The following SPIN1 variants were observed in gnomAD, a reference collection of about 807,000 sequenced individuals.
The protein encoded by SPIN1 is spindlin 1.
SPIN1 carries 3 observed loss-of-function variants against 26.0 expected under a neutral mutation model. That is an observed-to-expected ratio of 0.12 (90% CI 0.05 to 0.30). The LOEUF is 0.30. Among genes scored for constraint, SPIN1 ranks in the 10% least tolerant of loss-of-function variants. The pLI is 1.00. For synonymous variants in SPIN1, 101 were observed against 116.5 expected, an observed-to-expected ratio of 0.87 and a Z score of 0.86; for missense variants, 126 against 333.4, an observed-to-expected ratio of 0.38 and a Z score of 4.84.
At chr9:88,424,964 A>G (rs890951158) in intron 1 of SPIN1, among the ~76,000 whole-genome samples, 1 of 152,144 alleles carries the variant, frequency 6.6e-6, no homozygotes, top group African/African-American at 2.4e-5. Flanking sequence ...ACAAAAAGGG[A>G]TAGCTGTTAT....
chr9:88,393,215 A>G (rs1826970243), intron 1 of SPIN1, among the ~76,000 whole-genome samples: 1 of 151,458 alleles, frequency 6.6e-6, no homozygotes, highest in Non-Finnish European at 1.5e-5. Flanking sequence ...TGGTGAGAGA[A>G]TACATGAAAA....
chr9:88,432,498 T>TC (rs57699113), intron 2 of SPIN1, among the ~76,000 whole-genome samples: 1 of 150,900 alleles, frequency 6.6e-6, no homozygotes, highest in East Asian at 2.0e-4. Context: ...TTTTTTTTTT[T>TC]CTTTGAGACA....
intron 2 of SPIN1, among the ~76,000 whole-genome samples, chr9:88,443,144 A>AT (rs1828175088): frequency 6.6e-6 from 1 of 151,344 alleles, no homozygotes; most frequent in Non-Finnish European, 1.5e-5. Flanking sequence ...ACAAAAAAAA[A>AT]CTCAGTCTTT....
chr9:88,433,133 A>AC (rs949743064), intron 2 of SPIN1, among the ~76,000 whole-genome samples: 12 of 151,260 alleles, frequency 7.9e-5, no homozygotes, highest in Non-Finnish European at 1.3e-4. Flanking sequence ...AGTCTGGAGC[A>AC]CAGTAGCATG....
At chr9:88,403,501 G>T (rs1010731192) in intron 1 of SPIN1, among the ~76,000 whole-genome samples, 1 of 152,096 alleles carries the variant, frequency 6.6e-6, no homozygotes, top group African/African-American at 2.4e-5. Flanking sequence ...CTTGAGTCTA[G>T]AGTTTGAGAC....
chr9:88,418,949 C>T (rs1348530840), intron 1 of SPIN1: 1 of 152,048 alleles, frequency 6.6e-6, no homozygotes, highest in Non-Finnish European at 1.5e-5. Context: ...AGTCATTTTT[C>T]TGGTAAGTAG....
At chr9:88,441,918 C>A (rs1212834174) in intron 2 of SPIN1, among the ~76,000 whole-genome samples, 2 of 145,166 alleles carry the variant, frequency 1.4e-5, no homozygotes, top group South Asian at 2.1e-4. Context: ...AATGTTTTTC[C>A]TTTATATAGA....
chr9:88,435,574 A>G (rs778521024), intron 2 of SPIN1, among the ~76,000 whole-genome samples: 8 of 152,182 alleles, frequency 5.3e-5, no homozygotes, highest in Non-Finnish European at 7.3e-5. Context: ...TGGGTGAGAA[A>G]TGGTGTTTCT....
intron 3 of SPIN1, among the ~76,000 whole-genome samples, chr9:88,451,410 G>T (rs1054188724): frequency 6.6e-6 from 1 of 152,164 alleles, no homozygotes; most frequent in Non-Finnish European, 1.5e-5. Flanking sequence ...ATATAGCTGG[G>T]TTTGTGTTTT....
At chr9:88,391,198 T>G (rs1014383953) in intron 1 of SPIN1, among the ~76,000 whole-genome samples, 2 of 152,146 alleles carry the variant, frequency 1.3e-5, no homozygotes, top group Non-Finnish European at 2.9e-5. Context: ...TACATAGATC[T>G]CTGATAAATT....
chr9:88,438,430 T>C (rs1828052598), intron 2 of SPIN1, among the ~76,000 whole-genome samples: 1 of 152,206 alleles, frequency 6.6e-6, no homozygotes, highest in Non-Finnish European at 1.5e-5. Context: ...ATGATTTGTA[T>C]TCTTTTAAAT....
At chr9:88,401,914 G>A (rs1189853620) in intron 1 of SPIN1, among the ~76,000 whole-genome samples, 1 of 152,158 alleles carries the variant, frequency 6.6e-6, no homozygotes, top group African/African-American at 2.4e-5. Flanking sequence ...TTTATGGGAT[G>A]CATATGAATA....
At position 88,430,104 on chromosome 9, in the gene SPIN1, G is replaced by A. The variant is rs551177137; in HGVS notation, c.52+3513G>A. 5.9e-5 allele frequency among the ~76,000 whole-genome samples: 9 copies of A among 152,252 alleles called. No individual in the cohort carries two copies. In the South Asian group the frequency reaches 1.7e-3, roughly 28 times the overall value. On this transcript the variant is annotated intron_variant, in intron 2 of 5. Coordinates refer to ENST00000375859, the MANE Select transcript of SPIN1 (RefSeq NM_006717.3). ...AAGTCCCTGTATCAGTAACCAATGTGTCTATTTGCAAATGAAAGAAAAATC... is the reference window on the plus strand; with the variant it reads ...AAGTCCCTGTATCAGTAACCAATGTATCTATTTGCAAATGAAAGAAAAATC...
chr9:88,445,517 T>TA (rs1491577423), intron 2 of SPIN1, among the ~76,000 whole-genome samples: 32 of 124,564 alleles, frequency 2.6e-4, no homozygotes, highest in Middle Eastern at 4.1e-3. Context: ...GTATTGAGAC[T>TA]TTTATTATTA....
chr9:88,402,012 A>G (rs143126084), intron 1 of SPIN1, among the ~76,000 whole-genome samples: 119 of 152,150 alleles, frequency 7.8e-4, no homozygotes, highest in African/African-American at 2.5e-3. Flanking sequence ...TGTTTTTGAG[A>G]TGGAGTCTCG....
intron 1 of SPIN1, among the ~76,000 whole-genome samples, chr9:88,414,959 A>G (rs1003118675): frequency 6.6e-6 from 1 of 152,146 alleles, no homozygotes; most frequent in Non-Finnish European, 1.5e-5. Flanking sequence ...GGTGGAGTGC[A>G]GTGGCATGAT....
chr9:88,473,655 G>GTGTGTGTA (rs1309926209), intron 5 of SPIN1, among the ~76,000 whole-genome samples: 1 of 151,974 alleles, frequency 6.6e-6, no homozygotes, highest in African/African-American at 2.4e-5. Flanking sequence ...GTGTGTGTGT[G>GTGTGTGTA]TGTGTGCACG....
intron 2 of SPIN1, among the ~76,000 whole-genome samples, chr9:88,434,357 A>ATTATAAAATAGTTTATTTTATAAT (rs1827953478): frequency 2.9e-5 from 4 of 138,886 alleles, no homozygotes; most frequent in African/African-American, 9.7e-5. Context: ...TATTTTATAA[A>ATTATAAAATAGTTTATTTTATAAT]TTATAAAATA....
At chr9:88,467,270 A>G (rs1403597626) in intron 4 of SPIN1, among the ~76,000 whole-genome samples, 8 of 152,316 alleles carry the variant, frequency 5.3e-5, no homozygotes, top group South Asian at 2.1e-4. Context: ...CACATGGGGT[A>G]TCTGATTAAA....
Sources: gnomAD v4.1 joint callset for allele counts (sites outside exome capture counted in the v4.1 genomes callset) on GRCh38, gnomAD v4.1.1 for gene constraint, MANE v1.5 for transcripts, NCBI Gene and HGNC (gene_info 2026-07-23, HGNC 2026-07-21) for gene names.